Variants in NR1H4 observed in about 807,000 individuals in gnomAD.
The protein encoded by NR1H4 is bile acid receptor.
A neutral mutation model predicts 58.5 loss-of-function variants in NR1H4; 23 were observed. That is an observed-to-expected ratio of 0.39 (90% CI 0.28 to 0.56). NR1H4 has a LOEUF of 0.56. NR1H4 is among the 20% of genes least tolerant of loss of function. The probability of loss-of-function intolerance (pLI) is 0.58; values close to 1 mark genes in which losing one functional copy is unlikely to be tolerated. For synonymous variants in NR1H4, 214 were observed against 198.0 expected (o/e 1.08, Z -0.68); for missense variants, 487 against 576.9 (o/e 0.84, Z 1.60).
chr12:100,523,417 T>A (rs1405425754), intron 4 of NR1H4, among the ~76,000 whole-genome samples: 1 of 152,142 alleles, frequency 6.6e-6, no homozygotes, highest in African/African-American at 2.4e-5. Context: ...ATTTTTCCCT[T>A]GCTGATTTAT....
chr12:100,559,753 G>A (rs1565786983), intron 9 of NR1H4, among the ~76,000 whole-genome samples: 1 of 152,250 alleles, frequency 6.6e-6, no homozygotes, highest in Non-Finnish European at 1.5e-5. Flanking sequence ...CCACCCAAGG[G>A]CTGAGGAATG....
chr12:100,516,536 T>G (rs1166904364), intron 4 of NR1H4, among the ~76,000 whole-genome samples: 1 of 152,042 alleles, frequency 6.6e-6, no homozygotes, highest in African/African-American at 2.4e-5. Context: ...CCGGCTAATT[T>G]TTTGTATTTT....
chr12:100,535,901 T>C (rs949254856), intron 6 of NR1H4, among the ~76,000 whole-genome samples: 1 of 152,134 alleles, frequency 6.6e-6, no homozygotes, highest in African/African-American at 2.4e-5. Flanking sequence ...TTGACAAACT[T>C]TTTTTCTTTA....
chr12:100,536,690 A>G (rs1270381226), intron 7 of NR1H4, 80 bp downstream of exon 7: 4 of 803,348 alleles, frequency 5.0e-6, no homozygotes, highest in Non-Finnish European at 8.6e-6. Flanking sequence ...TATAATTTAT[A>G]TGTGAATATG....
At chr12:100,524,428 G>A (rs1954504978) in intron 4 of NR1H4, among the ~76,000 whole-genome samples, 1 of 152,054 alleles carries the variant, frequency 6.6e-6, no homozygotes, top group South Asian at 2.1e-4. Context: ...GGTCACTGTG[G>A]GCCACTAGCT....
At chr12:100,512,244 A>T (rs1271959246) in intron 4 of NR1H4, among the ~76,000 whole-genome samples, 1 of 152,006 alleles carries the variant, frequency 6.6e-6, no homozygotes, top group Admixed American at 6.6e-5. Flanking sequence ...AAAAATATAT[A>T]TTTTATTTAG....
At chr12:100,492,187 T>G (rs1953619293) in intron 1 of NR1H4, among the ~76,000 whole-genome samples, 1 of 152,208 alleles carries the variant, frequency 6.6e-6, no homozygotes, top group South Asian at 2.1e-4. Flanking sequence ...AGGTTTCTGG[T>G]GGACGACTTT....
intron 9 of NR1H4, among the ~76,000 whole-genome samples, chr12:100,547,667 C>A (rs2136278863): frequency 6.6e-6 from 1 of 152,172 alleles, no homozygotes; most frequent in East Asian, 1.9e-4. Flanking sequence ...TGTCACAAAT[C>A]AGCTACCTCC....
At chr12:100,516,815 G>A (rs898093631) in intron 4 of NR1H4, among the ~76,000 whole-genome samples, 2 of 152,176 alleles carry the variant, frequency 1.3e-5, no homozygotes, top group Admixed American at 6.5e-5. Context: ...AGATGCCAGT[G>A]CTAATAGCTT....
chr12:100,545,663 A>AAAAAC (rs1337205724), intron 9 of NR1H4, among the ~76,000 whole-genome samples: 1 of 147,790 alleles, frequency 6.8e-6, no homozygotes, highest in African/African-American at 2.6e-5. Context: ...AAAAAAAAAA[A>AAAAAC]AAAAAACCAA....
At chr12:100,532,130 G>T (rs1223946886) in intron 4 of NR1H4, among the ~76,000 whole-genome samples, 1 of 152,086 alleles carries the variant, frequency 6.6e-6, no homozygotes, top group East Asian at 1.9e-4. Flanking sequence ...GTTTGCCTTT[G>T]TACCCTCTGC....
intron 3 of NR1H4, among the ~76,000 whole-genome samples, chr12:100,499,247 T>A (rs1363057586): frequency 6.6e-6 from 1 of 152,208 alleles, no homozygotes; most frequent in Non-Finnish European, 1.5e-5. Flanking sequence ...TCTCACTGAG[T>A]TCAACTCAAG....
At chr12:100,537,069 T>C (rs1225466326) in intron 8 of NR1H4, 22 bp downstream of exon 8, 3 of 1,387,372 alleles carry the variant, frequency 2.2e-6, no homozygotes, top group Non-Finnish European at 3.1e-6. Flanking sequence ...ATAATCAAAG[T>C]TAATATTTAT....
At chr12:100,535,458 A>G (rs1954793595) in intron 6 of NR1H4, among the ~76,000 whole-genome samples, 1 of 152,230 alleles carries the variant, frequency 6.6e-6, no homozygotes, top group African/African-American at 2.4e-5. Context: ...GAAAAGTCCT[A>G]CCCACTGGGG....
At chr12:100,487,069 A>G (rs1462825694) in intron 1 of NR1H4, among the ~76,000 whole-genome samples, 1 of 152,200 alleles carries the variant, frequency 6.6e-6, no homozygotes, top group Non-Finnish European at 1.5e-5. Flanking sequence ...CATAGCCAAT[A>G]TAGATGTAAA....
intron 8 of NR1H4, among the ~76,000 whole-genome samples, chr12:100,539,150 G>T (rs986857177): frequency 6.6e-6 from 1 of 152,118 alleles, no homozygotes; most frequent in Admixed American, 6.6e-5. Context: ...GCCTAGCCTC[G>T]TTCCTGAGGG....
Position 100,484,033 on chromosome 12 carries a change from T to C in NR1H4, c.-189-8470T>C, listed in dbSNP as rs555541462. 1.0e-3 allele frequency among the ~76,000 whole-genome samples: 151 copies of C among 149,600 alleles called. 2 individuals carry two copies. In the Middle Eastern group the frequency reaches 0.014, roughly 14 times the overall value. Reference sequence around the variant, plus strand: ...ATGTATTTCCAGCCTTTGGGCAGAATCTAAGGCTTCCTCTGAGCATAAAAT... The same window carrying C: ...ATGTATTTCCAGCCTTTGGGCAGAACCTAAGGCTTCCTCTGAGCATAAAAT... On this transcript the variant is annotated intron_variant, in intron 1 of 10. Coordinates refer to ENST00000392986, the MANE Select transcript of NR1H4 (RefSeq NM_001206979.2).
chr12:100,480,813 T>G (rs565211945), intron 1 of NR1H4, among the ~76,000 whole-genome samples: 2 of 152,344 alleles, frequency 1.3e-5, no homozygotes, highest in East Asian at 3.9e-4. Flanking sequence ...ATGCCTGGGT[T>G]CACTCATGTT....
At chr12:100,545,161 C>T (rs1002644929) in intron 9 of NR1H4, among the ~76,000 whole-genome samples, 14 of 152,094 alleles carry the variant, frequency 9.2e-5, no homozygotes, top group Admixed American at 7.9e-4. Flanking sequence ...TCCATCAGAT[C>T]TCCTGGGTCC....
Sources: gnomAD v4.1 joint callset for allele counts (sites outside exome capture counted in the v4.1 genomes callset) on GRCh38, gnomAD v4.1.1 for gene constraint, MANE v1.5 for transcripts, NCBI Gene and HGNC (gene_info 2026-07-23, HGNC 2026-07-21) for gene names.